Variants in USH2A observed in about 807,000 individuals in gnomAD.
USH2A encodes usherin, also known as Usher syndrome 2A (autosomal recessive, mild).
A neutral mutation model predicts 538.9 loss-of-function variants in USH2A; 443 were observed. That is an observed-to-expected ratio of 0.82 (90% confidence interval 0.76 to 0.89). USH2A has a LOEUF of 0.89. Among genes scored for constraint, USH2A ranks in the 40% least tolerant of loss-of-function variants. The pLI is 0.00. For synonymous variants in USH2A, 2,413 were observed against 2,273.5 expected (o/e 1.06, Z -1.75); for missense variants, 6,633 against 6,324.8 (o/e 1.05, Z -1.65).
At chr1:216,360,316 G>C (rs1355423935) in intron 4 of USH2A, among the ~76,000 whole-genome samples, 2 of 152,084 alleles carry the variant, frequency 1.3e-5, no homozygotes. Flanking sequence ...GAGGATACAT[G>C]ATTTTTTTAT....
chr1:216,375,379 C>A (rs975711551), intron 3 of USH2A, among the ~76,000 whole-genome samples: 4 of 152,216 alleles, frequency 2.6e-5, no homozygotes, highest in African/African-American at 9.6e-5. Flanking sequence ...GCAACTTCTA[C>A]AACAGCACTT....
intron 58 of USH2A, 63 bp from the exon 59 acceptor site, chr1:215,743,398 G>GTATATA: frequency 2.3e-6 from 1 of 429,098 alleles, no homozygotes; most frequent in Non-Finnish European, 3.6e-6. Context: ...GTGTGTGTGT[G>GTATATA]TGTGTGTGTG....
chr1:216,382,545 A>T (rs116083659), intron 3 of USH2A, among the ~76,000 whole-genome samples: 295 of 152,318 alleles, frequency 1.9e-3, no homozygotes, highest in African/African-American at 6.6e-3. Context: ...AACTAAGAAA[A>T]ATCATACTTG....
chr1:215,925,820 G>A (rs1383155690), intron 38 of USH2A, among the ~76,000 whole-genome samples: 1 of 152,130 alleles, frequency 6.6e-6, no homozygotes, highest in Non-Finnish European at 1.5e-5. Flanking sequence ...ATACAGAGCA[G>A]ATGAAAAATG....
At chr1:216,078,432 GA>G (rs1422305531) in intron 26 of USH2A, 70 bp from the exon 27 acceptor site, 33 of 1,458,306 alleles carry the variant, frequency 2.3e-5, no homozygotes, top group Non-Finnish European at 2.8e-5. Context: ...GGAGAGAGCA[GA>G]AAGTCAATTT....
intron 32 of USH2A, among the ~76,000 whole-genome samples, chr1:216,041,481 G>C (rs911099947): frequency 6.6e-6 from 1 of 152,028 alleles, no homozygotes; most frequent in Non-Finnish European, 1.5e-5. Flanking sequence ...AGATCCACTG[G>C]CAAACCCTAC....
chr1:215,646,368 C>A (rs1656852536), intron 67 of USH2A, among the ~76,000 whole-genome samples: 1 of 136,370 alleles, frequency 7.3e-6, no homozygotes, highest in African/African-American at 2.5e-5. Context: ...ACTTATTATT[C>A]TTAATACTTT....
At chr1:215,726,093 A>G (rs2820715) in intron 61 of USH2A, among the ~76,000 whole-genome samples, 131,150 of 152,078 alleles carry the variant, frequency 0.86, 57,907 homozygotes, top group Non-Finnish European at 0.98. Context: ...TTCAATAAAA[A>G]CATATTTAAA....
chr1:215,709,268 T>C (rs1312869374), intron 61 of USH2A, among the ~76,000 whole-genome samples: 1 of 152,204 alleles, frequency 6.6e-6, no homozygotes, highest in African/African-American at 2.4e-5. Context: ...TTTATCTATT[T>C]CCACTCCTTT....
At chr1:215,845,762 G>T in intron 45 of USH2A, 62 bp downstream of exon 45, 1 of 1,560,878 alleles carries the variant, frequency 6.4e-7, no homozygotes. Context: ...CTCAACCCCG[G>T]CAAGAATCAA....
intron 21 of USH2A, among the ~76,000 whole-genome samples, chr1:216,145,813 C>T (rs1220702774): frequency 6.6e-6 from 1 of 152,172 alleles, no homozygotes; most frequent in Non-Finnish European, 1.5e-5. Flanking sequence ...CCTGGCTCAT[C>T]CTGGCTCAAA....
intron 21 of USH2A, among the ~76,000 whole-genome samples, chr1:216,131,111 T>C (rs1161405693): frequency 2.0e-5 from 3 of 152,126 alleles, no homozygotes. Context: ...TATCCTCTTT[T>C]GAGATCTGTC....
At chr1:215,681,322 CACACACACGA>C in intron 61 of USH2A, among the ~76,000 whole-genome samples, 1 of 108,450 alleles carries the variant, frequency 9.2e-6, no homozygotes, top group Non-Finnish European at 2.0e-5. Context: ...TAGGTAAACA[CACACACACGA>C]ACACACACAC....
intron 37 of USH2A, among the ~76,000 whole-genome samples, chr1:215,936,552 A>T (rs1299832570): frequency 6.6e-6 from 1 of 152,048 alleles, no homozygotes; most frequent in Non-Finnish European, 1.5e-5. Flanking sequence ...ATTAAGTGAG[A>T]TTATTTCTTT....
rs530059633 is a variant in USH2A, at chr1:215,854,597, G to A, written c.8846-8564C>T. 2.6e-5 allele frequency among the ~76,000 whole-genome samples: 4 copies of A among 152,268 alleles called. No homozygotes were observed. In the East Asian group the frequency reaches 7.7e-4, roughly 29 times the overall value. ...GGCAAAAGAAAGAGAAAAGAGAATAGCTCTCTCTTCTGCAGAGAAAGAAGG... is the reference window on the plus strand; with the variant it reads ...GGCAAAAGAAAGAGAAAAGAGAATAACTCTCTCTTCTGCAGAGAAAGAAGG... On this transcript the variant is annotated intron_variant, in intron 44 of 71. Coordinates refer to ENST00000307340, the MANE Select transcript of USH2A (RefSeq NM_206933.4).
At chr1:216,120,884 A>C (rs1196306325) in intron 21 of USH2A, among the ~76,000 whole-genome samples, 2 of 152,090 alleles carry the variant, frequency 1.3e-5, no homozygotes, top group African/African-American at 4.8e-5. Flanking sequence ...TAAGAATGAG[A>C]GGACTTCAAT....
At chr1:215,878,679 T>C (rs920573197) in intron 42 of USH2A, 85 bp downstream of exon 42, 1 of 1,376,398 alleles carries the variant, frequency 7.3e-7, no homozygotes, top group Non-Finnish European at 1.0e-6. Context: ...TATGTTCATA[T>C]AGGAATAAAA....
chr1:215,965,766 A>G (rs969536928), intron 36 of USH2A, among the ~76,000 whole-genome samples: 2 of 151,976 alleles, frequency 1.3e-5, no homozygotes, highest in Non-Finnish European at 2.9e-5. Context: ...GTACATATCC[A>G]TAGACCAATT....
chr1:216,292,871 T>C (rs1485244601), intron 9 of USH2A, among the ~76,000 whole-genome samples: 1 of 152,154 alleles, frequency 6.6e-6, no homozygotes, highest in Non-Finnish European at 1.5e-5. Flanking sequence ...AATAAACCAG[T>C]AAAAATGACC....
Sources: allele counts gnomAD v4.1 joint callset (sites outside exome capture counted in the v4.1 genomes callset), GRCh38; gene constraint gnomAD v4.1.1; transcripts MANE v1.5; gene names NCBI Gene and HGNC (gene_info 2026-07-23, HGNC 2026-07-21).